The following SMPD4 variants were observed in gnomAD, a reference collection of about 807,000 sequenced individuals.
SMPD4 encodes sphingomyelin phosphodiesterase 4.
Under a neutral mutation model 97.8 loss-of-function variants are expected in SMPD4, and 58 were observed. The observed-to-expected ratio is 0.59, with a 90% CI of 0.48 to 0.74. The LOEUF (loss-of-function observed/expected upper bound fraction) is 0.74. Ranked by LOEUF, SMPD4 falls within the 30% of genes least tolerant of loss-of-function variation. The pLI is 0.00. For synonymous variants in SMPD4, 388 were observed against 450.0 expected (o/e 0.86, Z 1.74); for missense variants, 853 against 1,080.5 (o/e 0.79, Z 2.95).
intron 3 of SMPD4, among the ~76,000 whole-genome samples, chr2:130,174,122 G>A (rs1199942730): frequency 6.6e-6 from 1 of 152,154 alleles, no homozygotes; most frequent in East Asian, 1.9e-4. Context: ...CTGGGCTCGA[G>A]CAATCCCCCC....
chr2:130,167,399 G>A (rs1246752573), intron 9 of SMPD4, 59 bp downstream of exon 9: 3 of 1,609,054 alleles, frequency 1.9e-6, no homozygotes, highest in Non-Finnish European at 2.5e-6. Flanking sequence ...GGGGATTATA[G>A]GCACGAGCCA....
At position 130,153,389 on chromosome 2, in the gene SMPD4, C is replaced by G. The variant is rs1490248138; in HGVS notation, c.1955G>C (p.Gly652Ala). 2 of 1,613,680 alleles carry G rather than the reference C, an allele frequency of 1.2e-6. No individual in the cohort carries two copies. Among genetic ancestry groups the G allele is most frequent in the East Asian group, 2.2e-5 (1 of 44,870 alleles). The change falls in exon 18 of 20, where the codon GGA becomes GCA. Residue 652 changes from glycine (G) to alanine (A), a missense_variant. This residue lies in a region of SMPD4 where 511 missense variants were observed against 608.1 expected (regional missense o/e 0.84). Coordinates refer to ENST00000680298, the MANE Select transcript of SMPD4 (RefSeq NM_017951.5). ...LALGTTQDEN[G>A]KKQLPDCIVG... ...GATGCAGTCGGGGAGTTGCTTTTTT[C>G]CATTCTCATCCTGGGTGGTGCCCAA... is the stretch of plus-strand genomic sequence containing the variant.
In SMPD4 at chr2:130,176,650, A is replaced by G; in HGVS notation, c.-45-13T>C. 6.2e-7 allele frequency: 1 copy of G among 1,604,066 alleles called. No individual in the cohort carries two copies. Among genetic ancestry groups the G allele is most frequent in the Admixed American group, 1.7e-5 (1 of 58,976 alleles). ...TCTTAGCAAACCACTGTGGAAAAACAAAGACAAAATCTCAACATCTGTAAC... is the reference window on the plus strand; with the variant it reads ...TCTTAGCAAACCACTGTGGAAAAACGAAGACAAAATCTCAACATCTGTAAC... On this transcript the variant is annotated splice_polypyrimidine_tract_variant and intron_variant, in intron 1 of 19. Coordinates refer to ENST00000680298, the MANE Select transcript of SMPD4 (RefSeq NM_017951.5).
At chr2:130,158,794 C>A (rs993237603) in intron 11 of SMPD4, among the ~76,000 whole-genome samples, 2 of 152,100 alleles carry the variant, frequency 1.3e-5, no homozygotes, top group Non-Finnish European at 2.9e-5. Context: ...TGTCCCCTAG[C>A]CCTTTGGGCC....
intron 8 of SMPD4, among the ~76,000 whole-genome samples, chr2:130,169,261 A>C (rs1688210495): frequency 6.6e-6 from 1 of 152,176 alleles, no homozygotes; most frequent in Non-Finnish European, 1.5e-5. Flanking sequence ...ACCATTCCTG[A>C]CTGAAGGGGA....
At chr2:130,168,398 TG>T (rs1428437673) in intron 8 of SMPD4, among the ~76,000 whole-genome samples, 1 of 151,742 alleles carries the variant, frequency 6.6e-6, no homozygotes, top group African/African-American at 2.4e-5. Flanking sequence ...CACTCCAGCC[TG>T]GGGTAAGAGA....
At position 130,161,923 on chromosome 2, in the gene SMPD4, CA is replaced by C. The variant is rs1235652043; in HGVS notation, c.865-652del. ...GATTGATTCCTATGTGTCTAAAACTCAAATCAATGTCCCCTCCATGACTGGC... is the reference window on the plus strand; with the variant it reads ...GATTGATTCCTATGTGTCTAAAACTCAATCAATGTCCCCTCCATGACTGGC... On this transcript the variant is annotated intron_variant, in intron 10 of 19. Coordinates refer to ENST00000680298, the MANE Select transcript of SMPD4 (RefSeq NM_017951.5). 6.6e-5 allele frequency among the ~76,000 whole-genome samples: 10 copies of C among 152,288 alleles called. No individual in the cohort carries two copies. The East Asian group carries it at 1.9e-3, about 29-fold the overall frequency.
In SMPD4 at chr2:130,155,126, G is replaced by A. The variant is rs1471890634; in HGVS notation, c.1423C>T (p.Gln475Ter). ...MVFRVAKVFA[Q>*]PNLAEMIQKG... ...TGAATCATCTCAGCCAGGTTGGGCT[G>A]GGCAAAGACTTTGGCCACTCGGAAC... Residue 475 changes from glutamine to a stop codon, truncating the protein, a stop_gained, in exon 15 of 20, where the codon CAG (glutamine) becomes TAG (stop). Transcript: ENST00000680298. LOFTEE classifies it high-confidence loss of function. The A allele has an allele frequency of 2.5e-6, 4 of 1,614,078 alleles. No homozygotes were observed. The highest frequency in any genetic ancestry group is 2.5e-6 in the Non-Finnish European group (3 of 1,180,044).
chr2:130,158,861 G>T, intron 11 of SMPD4, among the ~76,000 whole-genome samples: 1 of 152,166 alleles, frequency 6.6e-6, no homozygotes, highest in East Asian at 1.9e-4. Flanking sequence ...GTATATCCTG[G>T]TATGCTGTAG....
At chr2:130,164,988 T>C (rs768026197) in intron 9 of SMPD4, among the ~76,000 whole-genome samples, 1 of 151,302 alleles carries the variant, frequency 6.6e-6, no homozygotes, top group Non-Finnish European at 1.5e-5. Context: ...ATCACACCTA[T>C]AATCCCAGCG....
intron 14 of SMPD4, 31 bp from the exon 15 acceptor site, chr2:130,155,290 C>A: frequency 6.2e-7 from 1 of 1,612,902 alleles, no homozygotes; most frequent in South Asian, 1.1e-5. Flanking sequence ...TTGGGGCCAG[C>A]CTTCCAACTG....
In SMPD4 at chr2:130,175,098, TTA is replaced by T. The variant is rs113418879; in HGVS notation, c.40-100_40-99del. 7,628 of 855,232 alleles carry T rather than the reference TTA, an allele frequency of 8.9e-3. 235 individuals are homozygous for T. Among genetic ancestry groups the T allele is most frequent in the African/African-American group, 0.086 (5,193 of 60,350 alleles). The allele number at this position is 855,232 out of a possible 1,614,324, so 53.0% of individuals were successfully genotyped here. The stretch of plus-strand genomic sequence containing the variant: ...GTCAAACAGAAATCCAAGCAATAGG[TTA>T]TGAGTCAGACCCATAACCTCTGGCC... On this transcript the variant is annotated intron_variant, in intron 2 of 19. Coordinates refer to ENST00000680298, the MANE Select transcript of SMPD4 (RefSeq NM_017951.5).
intron 1 of SMPD4, among the ~76,000 whole-genome samples, chr2:130,178,143 T>C (rs1689150281): frequency 6.6e-6 from 1 of 152,210 alleles, no homozygotes; most frequent in South Asian, 2.1e-4. Context: ...ACCAACACCT[T>C]GATTTTAATC....
chr2:130,181,501 GTC>G, intron 1 of SMPD4, 27 bp downstream of exon 1: 1 of 1,587,028 alleles, frequency 6.3e-7, no homozygotes, highest in Non-Finnish European at 8.6e-7. Context: ...GCGCCGGACC[GTC>G]TCAGGCGCGC....
intron 8 of SMPD4, among the ~76,000 whole-genome samples, chr2:130,170,462 A>AAAAAAAAAAAAAAAT (rs1688345036): frequency 6.7e-6 from 1 of 150,072 alleles, no homozygotes; most frequent in Admixed American, 6.7e-5. Context: ...CCCTGTCAAA[A>AAAAAAAAAAAAAAAT]AAAAAAAAAA....
chr2:130,166,959 C>T (rs1174340911), intron 9 of SMPD4, among the ~76,000 whole-genome samples: 1 of 152,244 alleles, frequency 6.6e-6, no homozygotes, highest in Non-Finnish European at 1.5e-5. Flanking sequence ...GGATGAAAAA[C>T]GCCATCAATG....
At chr2:130,159,611 C>A (rs1418100282) in intron 11 of SMPD4, 1 of 149,498 alleles carries the variant, frequency 6.7e-6, no homozygotes, top group Non-Finnish European at 1.5e-5. Context: ...GCATTCCAGC[C>A]TGGGCAACGG....
chr2:130,181,066 C>T (rs549635936), intron 1 of SMPD4, among the ~76,000 whole-genome samples: 46 of 152,314 alleles, frequency 3.0e-4, no homozygotes, highest in Admixed American at 2.6e-3. Flanking sequence ...CATGCCAAGA[C>T]CTCCCTTAAC....
Position 130,153,352 on chromosome 2 carries a change from G to A in SMPD4, c.1992C>T (p.Asp664=), listed in dbSNP as rs771940382. The change falls in exon 18 of 20, where the codon GAC becomes GAT. Residue 664 remains aspartate (D), a synonymous_variant. Coordinates refer to ENST00000680298, the MANE Select transcript of SMPD4 (RefSeq NM_017951.5). The part of the protein sequence containing the change: ...KQLPDCIVGE[D]GLILTPLGRY... ...GCCCCAGGGGCGTAAGGATGAGTCC[G>A]TCCTCACCCACGATGCAGTCGGGGA... is the stretch of plus-strand genomic sequence containing the variant. 1.9e-5 allele frequency: 30 copies of A among 1,613,730 alleles called. No individual in the cohort carries two copies. The highest frequency in any genetic ancestry group is 3.3e-4 in the Middle Eastern group (2 of 6,084).
Sources: gnomAD v4.1 joint callset for allele counts (sites outside exome capture counted in the v4.1 genomes callset) on GRCh38, gnomAD v4.1.1 for gene constraint, gnomAD v4.1.1 regional missense constraint, MANE v1.5 for transcripts, NCBI Gene and HGNC (gene_info 2026-07-23, HGNC 2026-07-21) for gene names.